The following MZT2A variants were observed in gnomAD, a reference collection of about 807,000 sequenced individuals.
The protein encoded by MZT2A is mitotic-spindle organizing protein 2A.
Under a neutral mutation model 12.4 loss-of-function variants are expected in MZT2A, and 8 were observed. The ratio of observed to expected loss-of-function variants is 0.64; its 90% CI spans 0.38 to 1.16. MZT2A has a LOEUF of 1.16. MZT2A is among the 50% of genes most tolerant of loss of function. MZT2A has a pLI of 0.01. For missense variants in MZT2A, 181 were observed against 223.6 expected (o/e 0.81, Z 1.22); for synonymous variants, 88 against 107.5 (o/e 0.82, Z 1.12).
intron 2 of MZT2A, chr2:131,476,034 C>T (rs1293258212): frequency 1.8e-5 from 24 of 1,326,220 alleles, no homozygotes; most frequent in South Asian, 2.8e-5. Context: ...AACTGGGATC[C>T]GGCCCTCAGC....
At chr2:131,488,317 G>A (rs1411074793) in intron 2 of MZT2A, among the ~76,000 whole-genome samples, 1 of 152,164 alleles carries the variant, frequency 6.6e-6, no homozygotes, top group Admixed American at 6.5e-5. Context: ...TCGACCCTCT[G>A]TGCTTCTGGG....
At chr2:131,490,481 G>T (rs1427194252) in intron 2 of MZT2A, 1 of 1,407,522 alleles carries the variant, frequency 7.1e-7, no homozygotes. Context: ...GGGGTGTGGG[G>T]ATGTTGGTCC....
At chr2:131,490,940 G>C in intron 2 of MZT2A, 1 of 1,549,540 alleles carries the variant, frequency 6.5e-7, no homozygotes, top group Non-Finnish European at 8.7e-7. Flanking sequence ...GCGAGGGTCA[G>C]TGAAGAGGCC....
intron 2 of MZT2A, among the ~76,000 whole-genome samples, chr2:131,487,158 A>G (rs1017405534): frequency 8.5e-5 from 13 of 152,198 alleles, no homozygotes; most frequent in Non-Finnish European, 1.3e-4. Flanking sequence ...AAACGCCAAA[A>G]ACAGTCAATG....
chr2:131,482,166 G>C (rs960227537), downstream of MZT2A, among the ~76,000 whole-genome samples: 1 of 152,172 alleles, frequency 6.6e-6, no homozygotes, highest in African/African-American at 2.4e-5. Flanking sequence ...GATAGCATGG[G>C]GAAGAGTTGT....
In MZT2A at chr2:131,470,407, G is replaced by A; in HGVS notation, c.394-64C>T. The A allele has an allele frequency of 3.2e-6, 4 of 1,248,030 alleles. 1 individual carries two copies. Among genetic ancestry groups the A allele is most frequent in the Non-Finnish European group, 4.2e-6 (4 of 962,970 alleles). 77.3% of individuals were successfully genotyped at this position (1,248,030 alleles called of 1,614,324 possible). Reference sequence around the variant, plus strand: ...AAAGGTCTGGAAGGCTGGACATTTAGTTTACACTATATTAAAGAGTTACAA... The same window carrying A: ...AAAGGTCTGGAAGGCTGGACATTTAATTTACACTATATTAAAGAGTTACAA... On this transcript the variant is annotated intron_variant and NMD_transcript_variant, in intron 3 of 4. Transcript: ENST00000427024.
chr2:131,484,131 C>G lies in MZT2A; in HGVS notation c.407G>C (p.Arg136Pro), dbSNP rs11553182. ...GGGCAGCCTGGTAGCGCTGGGCTGG[C>G]GTGGCATCCTCTGGCTGGATCCCTC... The part of the protein sequence containing the change: ...NHEGSSQRMP[R>P]QPSATRLPKG... Residue 136 changes from arginine (R) to proline (P), a missense_variant, in exon 3 of 3, where the codon CGC (arginine) becomes CCC (proline). Physicochemically the swap from Arg to Pro is moderately radical, Grantham distance 103. This residue lies in a region of MZT2A where 72 missense variants were observed against 76.9 expected (regional missense o/e 0.94). Coordinates refer to ENST00000309451, the MANE Select transcript of MZT2A (RefSeq NM_001085365.2). The G allele has an allele frequency of 1.2e-6, 2 of 1,613,956 alleles. No homozygotes were observed. Among genetic ancestry groups the G allele is most frequent in the South Asian group, 1.1e-5 (1 of 91,086 alleles).
At chr2:131,487,917 C>T (rs1159879964) in intron 2 of MZT2A, among the ~76,000 whole-genome samples, 1 of 152,218 alleles carries the variant, frequency 6.6e-6, no homozygotes, top group East Asian at 1.9e-4. Flanking sequence ...CAGATGTGTG[C>T]CACCATGCCC....
upstream of MZT2A, among the ~76,000 whole-genome samples, chr2:131,493,504 T>C (rs1444011938): frequency 2.0e-5 from 3 of 152,012 alleles, no homozygotes; most frequent in Non-Finnish European, 4.4e-5. Context: ...GCTCGACCCT[T>C]CCCCTGTGCG....
chr2:131,483,228 G>A (rs979702658), downstream of MZT2A, among the ~76,000 whole-genome samples: 2 of 152,216 alleles, frequency 1.3e-5, no homozygotes, highest in Admixed American at 1.3e-4. Flanking sequence ...CTGGCTAAAA[G>A]GGAGACTAGA....
At chr2:131,480,835 G>C, downstream of MZT2A, 1 of 1,537,302 alleles carries the variant, frequency 6.5e-7, no homozygotes, top group Non-Finnish European at 8.8e-7. Flanking sequence ...CCTTTGGGGA[G>C]ATTATCCCTG....
intron 2 of MZT2A, among the ~76,000 whole-genome samples, chr2:131,475,653 A>G (rs1211500220): frequency 6.6e-6 from 1 of 152,056 alleles, no homozygotes; most frequent in Non-Finnish European, 1.5e-5. Flanking sequence ...TTGGGTCACA[A>G]AAGTGATTGA....
At chr2:131,479,260 G>A, downstream of MZT2A, 3 of 1,594,558 alleles carry the variant, frequency 1.9e-6, no homozygotes, top group Non-Finnish European at 2.6e-6. Flanking sequence ...GTCCATCTTG[G>A]TGAGTACAGG....
At chr2:131,477,022 CCTTTCTTTTT>C (rs1382562909) in intron 2 of MZT2A, among the ~76,000 whole-genome samples, 2 of 136,156 alleles carry the variant, frequency 1.5e-5, no homozygotes, top group Non-Finnish European at 3.1e-5. Context: ...TCCTTTTTTT[CCTTTCTTTTT>C]CTTTCTTTTT....
chr2:131,482,850 G>T, downstream of MZT2A: 1 of 1,612,312 alleles, frequency 6.2e-7, no homozygotes, highest in Non-Finnish European at 8.5e-7. Context: ...GAATACTGAG[G>T]GGAGGGTGTG....
chr2:131,477,480 A>G (rs536150578), intron 2 of MZT2A, among the ~76,000 whole-genome samples: 1 of 152,206 alleles, frequency 6.6e-6, no homozygotes, highest in Non-Finnish European at 1.5e-5. Flanking sequence ...GCAGCCTGCC[A>G]AAAGTGTGGC....
At chr2:131,478,967 G>A (rs1250833450), downstream of MZT2A, among the ~76,000 whole-genome samples, 4 of 152,230 alleles carry the variant, frequency 2.6e-5, no homozygotes, top group Admixed American at 2.6e-4. Context: ...GACTGCCCAG[G>A]TTGTAAGAGT....
intron 3 of MZT2A, among the ~76,000 whole-genome samples, chr2:131,471,443 C>CAA (rs544344844): frequency 1.7e-5 from 1 of 59,398 alleles, no homozygotes; most frequent in African/African-American, 7.7e-5. Context: ...GACTCTGTCT[C>CAA]AAAAAAAAAA....
chr2:131,477,037 CTTTT>C (rs1229461335), intron 2 of MZT2A, among the ~76,000 whole-genome samples: 1 of 108,728 alleles, frequency 9.2e-6, no homozygotes, highest in Non-Finnish European at 1.7e-5. Context: ...CTTTTTCTTT[CTTTT>C]TTTTTTTTGA....
Sources: gnomAD v4.1 joint callset for allele counts (sites outside exome capture counted in the v4.1 genomes callset) on GRCh38, gnomAD v4.1.1 for gene constraint, gnomAD v4.1.1 regional missense constraint, MANE v1.5 for transcripts, NCBI Gene and HGNC (gene_info 2026-07-23, HGNC 2026-07-21) for gene names.